SLC35A3: variants seen among roughly 807,000 people sequenced by gnomAD.
The protein encoded by SLC35A3 is UDP-N-acetylglucosamine transporter.
Under a neutral mutation model 39.0 loss-of-function variants are expected in SLC35A3, and 26 were observed. The observed-to-expected ratio is 0.67, with a 90% CI of 0.49 to 0.92. The LOEUF is 0.92. Among genes scored for constraint, SLC35A3 ranks in the 40% least tolerant of loss-of-function variants. SLC35A3 has a pLI of 0.00. For synonymous variants in SLC35A3, 135 were observed against 133.1 expected (o/e 1.01, Z -0.10); for missense variants, 299 against 371.6 (o/e 0.80, Z 1.61).
In SLC35A3 at chr1:100,030,029, A is replaced by G. The variant is rs1661136070; in HGVS notation, c.*7553A>G. ...ATTTTGAACTAATTTTAAATTAGGCATTCCTATCACCATTATAAGGAAGAG... is the reference window on the plus strand; with the variant it reads ...ATTTTGAACTAATTTTAAATTAGGCGTTCCTATCACCATTATAAGGAAGAG... On this transcript the variant is annotated 3_prime_UTR_variant, in exon 8 of 8. Transcript: ENST00000533028. 6.6e-6 allele frequency: 1 copy of G among 152,216 alleles called. No homozygotes were observed. Among genetic ancestry groups the G allele is most frequent in the South Asian group, 2.1e-4 (1 of 4,826 alleles). The allele number at this position is 152,216 out of a possible 1,614,324, so 9.4% of individuals were successfully genotyped here. A position where few individuals can be genotyped will look rare whatever the true frequency, so the allele number is the denominator to read the frequency against.
intron 1 of SLC35A3, chr1:99,970,704 G>T (rs1006373093): frequency 8.7e-7 from 1 of 1,153,924 alleles, no homozygotes; most frequent in African/African-American, 1.5e-5. Flanking sequence ...ATCAGAACAG[G>T]TGTGTGGGTG....
chr1:100,001,913 G>A (rs193296863), intron 3 of SLC35A3, among the ~76,000 whole-genome samples: 22 of 152,066 alleles, frequency 1.4e-4, no homozygotes, highest in African/African-American at 4.8e-4. Context: ...TATTGATTTT[G>A]CATATATATT....
chr1:100,003,416 CAAAAAAAAAAAAAA>C (rs34020224), intron 3 of SLC35A3, among the ~76,000 whole-genome samples: 1 of 57,178 alleles, frequency 1.7e-5, no homozygotes, highest in African/African-American at 6.8e-5. Context: ...AACTCCATCT[CAAAAAAAAAAAAAA>C]AAAAAAAAAG....
chr1:99,976,622 T>C (rs889250767), intron 1 of SLC35A3, among the ~76,000 whole-genome samples: 2 of 152,222 alleles, frequency 1.3e-5, no homozygotes, highest in Non-Finnish European at 2.9e-5. Flanking sequence ...TGGAATACTA[T>C]GCAGCTATGA....
At chr1:99,977,614 C>A (rs1428791171) in intron 1 of SLC35A3, among the ~76,000 whole-genome samples, 4 of 152,022 alleles carry the variant, frequency 2.6e-5, no homozygotes, top group African/African-American at 9.7e-5. Flanking sequence ...GTGATTACAG[C>A]TCATTGCTCC....
At chr1:99,982,502 CT>C (rs527558878) in intron 1 of SLC35A3, among the ~76,000 whole-genome samples, 3 of 151,892 alleles carry the variant, frequency 2.0e-5, no homozygotes, top group Admixed American at 6.6e-5. Flanking sequence ...ATATTTAGAC[CT>C]GTAAAGTAAC....
chr1:99,997,418 A>AGT (rs1658475846), intron 2 of SLC35A3, among the ~76,000 whole-genome samples: 3 of 28,894 alleles, frequency 1.0e-4, no homozygotes, highest in Admixed American at 3.7e-4. Context: ...TTTTATATAT[A>AGT]TATATATATA....
chr1:99,977,728 A>G (rs1407378826), intron 1 of SLC35A3, among the ~76,000 whole-genome samples: 2 of 152,168 alleles, frequency 1.3e-5, no homozygotes, highest in Non-Finnish European at 2.9e-5. Context: ...TTGTAAAGAC[A>G]GAGTCCGACT....
At chr1:100,005,466 G>T (rs932821415) in intron 3 of SLC35A3, among the ~76,000 whole-genome samples, 9 of 152,296 alleles carry the variant, frequency 5.9e-5, no homozygotes, top group South Asian at 2.1e-4. Context: ...GTAATACAGA[G>T]AAATTAATCA....
intron 1 of SLC35A3, among the ~76,000 whole-genome samples, chr1:99,979,430 CTTTTT>C (rs755564922): frequency 7.3e-6 from 1 of 136,316 alleles, no homozygotes; most frequent in East Asian, 2.1e-4. Context: ...CCTTTTCTTT[CTTTTT>C]TTTTTTTTTT....
Position 100,011,526 on chromosome 1 carries a change from T to C in SLC35A3, c.627T>C (p.Ile209=). 3 of 1,377,970 alleles carry C rather than the reference T, an allele frequency of 2.2e-6. No homozygotes were observed. The highest frequency in any genetic ancestry group is 1.6e-5 in the South Asian group (1 of 62,110). The allele number at this position is 1,377,970 out of a possible 1,614,324, so 85.4% of individuals were successfully genotyped here. ...ETKQSVWIRN[I]QLGFFGSIFG... Reference sequence around the variant, plus strand: ...AACAATCAGTGTGGATAAGAAATATTCAGCTTGGTAAGTTTTAAATGTTTT... The same window carrying C: ...AACAATCAGTGTGGATAAGAAATATCCAGCTTGGTAAGTTTTAAATGTTTT... The change falls in exon 5 of 8, where the codon ATT becomes ATC. Residue 209 remains isoleucine, a synonymous_variant. Transcript: ENST00000533028.
In SLC35A3 at chr1:100,028,870, T is replaced by G. The variant is rs1410758461; in HGVS notation, c.*6394T>G. The G allele has an allele frequency of 6.6e-6, 1 of 152,232 alleles. No homozygotes were observed. Among genetic ancestry groups the G allele is most frequent in the Non-Finnish European group, 1.5e-5 (1 of 68,062 alleles). The allele number at this position is 152,232 out of a possible 1,614,324, so 9.4% of individuals were successfully genotyped here. A position where few individuals can be genotyped will look rare whatever the true frequency, so the allele number is the denominator to read the frequency against. On this transcript the variant is annotated 3_prime_UTR_variant, in exon 8 of 8. Coordinates refer to ENST00000533028, the MANE Select transcript of SLC35A3 (RefSeq NM_012243.3). The stretch of plus-strand genomic sequence containing the variant: ...AAAGCTATTATACTCACAGTCATAT[T>G]TATTACAGAGAAAGGAAATACAAAT...
chr1:100,012,186 A>AG (rs1035184239), intron 5 of SLC35A3, among the ~76,000 whole-genome samples: 1 of 152,064 alleles, frequency 6.6e-6, no homozygotes, highest in African/African-American at 2.4e-5. Flanking sequence ...CTGGAGGCTG[A>AG]GGCAGGACAA....
At chr1:100,015,616 T>A (rs1237524226) in intron 6 of SLC35A3, 196 bp downstream of exon 6, 2 of 496,358 alleles carry the variant, frequency 4.0e-6, no homozygotes, top group Admixed American at 4.4e-5. Context: ...CAGGGGTCTT[T>A]AATGAACTTT....
intron 3 of SLC35A3, among the ~76,000 whole-genome samples, chr1:100,005,127 A>G (rs924804568): frequency 3.3e-5 from 5 of 152,022 alleles, no homozygotes; most frequent in Non-Finnish European, 5.9e-5. Context: ...TTCTTTCAGC[A>G]CTTTGAATAT....
intron 2 of SLC35A3, among the ~76,000 whole-genome samples, chr1:99,994,061 A>G (rs1288595442): frequency 6.6e-6 from 1 of 152,108 alleles, no homozygotes; most frequent in Non-Finnish European, 1.5e-5. Flanking sequence ...TTACTAATGT[A>G]AACACCTTCT....
At chr1:99,984,583 C>T (rs1009183195) in intron 1 of SLC35A3, among the ~76,000 whole-genome samples, 20 of 152,146 alleles carry the variant, frequency 1.3e-4, no homozygotes, top group African/African-American at 4.8e-4. Context: ...ACTTCTTTTC[C>T]TCTGTCTAGA....
chr1:99,999,977 C>T (rs895565578), intron 3 of SLC35A3, among the ~76,000 whole-genome samples: 3 of 152,066 alleles, frequency 2.0e-5, no homozygotes, highest in Non-Finnish European at 4.4e-5. Flanking sequence ...ATGCATTTAT[C>T]CATTGATGGA....
chr1:99,988,921 C>A (rs1183301965), intron 1 of SLC35A3, among the ~76,000 whole-genome samples: 1 of 151,920 alleles, frequency 6.6e-6, no homozygotes, highest in African/African-American at 2.4e-5. Flanking sequence ...CATGTAGCAC[C>A]AAACCCAGCT....
Sources: gnomAD v4.1 joint callset for allele counts (sites outside exome capture counted in the v4.1 genomes callset) on GRCh38, gnomAD v4.1.1 for gene constraint, MANE v1.5 for transcripts, NCBI Gene and HGNC (gene_info 2026-07-23, HGNC 2026-07-21) for gene names.